Variants in EYS observed in about 807,000 individuals in gnomAD.
The protein encoded by EYS is protein eyes shut homolog.
In EYS, 250 loss-of-function variants were observed where a neutral mutation model predicts 282.1. The observed-to-expected ratio is 0.89, with a 90% CI of 0.80 to 0.98. The LOEUF (loss-of-function observed/expected upper bound fraction) is 0.98. EYS is among the 50% of genes least tolerant of loss of function. The probability of loss-of-function intolerance (pLI) is 0.00; values close to 1 mark genes in which losing one functional copy is unlikely to be tolerated. For synonymous variants in EYS, 1,355 were observed against 1,282.9 expected, an observed-to-expected ratio of 1.06 and a Z score of -1.20; for missense variants, 4,016 against 3,709.0, an observed-to-expected ratio of 1.08 and a Z score of -2.15.
intron 31 of EYS, among the ~76,000 whole-genome samples, chr6:64,126,977 A>G (rs1379743577): frequency 2.0e-5 from 3 of 152,146 alleles, no homozygotes; most frequent in Non-Finnish European, 4.4e-5. Context: ...GTTATGGGTT[A>G]GAGATGACTG....
chr6:64,500,262 C>T (rs1429760020), intron 26 of EYS, among the ~76,000 whole-genome samples: 3 of 151,902 alleles, frequency 2.0e-5, no homozygotes, highest in Admixed American at 6.6e-5. Context: ...AATAGACATC[C>T]ATTCTCTTGT....
intron 2 of EYS, among the ~76,000 whole-genome samples, chr6:65,598,248 CA>C (rs1423302544): frequency 0.023 from 1,594 of 67,902 alleles, 96 homozygotes; most frequent in South Asian, 0.042. Context: ...ACCCCCCCCC[CA>C]AAAAAAAAAA....
chr6:64,348,948 C>T (rs1252679766), intron 29 of EYS, among the ~76,000 whole-genome samples: 1 of 151,356 alleles, frequency 6.6e-6, no homozygotes, highest in Non-Finnish European at 1.5e-5. Flanking sequence ...TGTAGTTTTA[C>T]CCAGTGCTTT....
chr6:64,471,354 G>T (rs1776116949), intron 26 of EYS, among the ~76,000 whole-genome samples: 1 of 151,996 alleles, frequency 6.6e-6, no homozygotes, highest in African/African-American at 2.4e-5. Flanking sequence ...CTAAAGACTA[G>T]GCCAAAAGAC....
intron 19 of EYS, among the ~76,000 whole-genome samples, chr6:64,863,608 C>G (rs539717254): frequency 2.0e-5 from 3 of 152,206 alleles, no homozygotes; most frequent in Admixed American, 2.0e-4. Context: ...CTTATCAAGC[C>G]TCCTTTGGGT....
intron 12 of EYS, among the ~76,000 whole-genome samples, chr6:65,230,480 TTAATACC>T: frequency 6.6e-6 from 1 of 151,926 alleles, no homozygotes; most frequent in Non-Finnish European, 1.5e-5. Flanking sequence ...GCCATACATT[TTAATACC>T]TCTTTTTAAC....
At chr6:65,682,104 C>T (rs1453176507) in intron 1 of EYS, among the ~76,000 whole-genome samples, 1 of 151,974 alleles carries the variant, frequency 6.6e-6, no homozygotes, top group African/African-American at 2.4e-5. Context: ...GTCTTAACCA[C>T]AATTGCAATA....
At chr6:64,662,135 A>G (rs1769051766) in intron 22 of EYS, among the ~76,000 whole-genome samples, 1 of 151,092 alleles carries the variant, frequency 6.6e-6, no homozygotes, top group South Asian at 2.1e-4. Flanking sequence ...TCACAAGGAC[A>G]AAAAACCAAA....
Position 65,494,968 on chromosome 6 carries a change from A to G in EYS, c.443T>C (p.Phe148Ser), listed in dbSNP as rs1486613667. The change falls in exon 4 of 43, where the codon TTT becomes TCT. Residue 148 changes from phenylalanine (F) to serine (S), a missense_variant. Phe to Ser is a radical substitution (Grantham distance 155). Coordinates refer to ENST00000503581, the MANE Select transcript of EYS (RefSeq NM_001142800.2). ...TGGACCACTTGCCATAACTGTGATA[A>G]AATAATGTGTCCCAACACTCAGCCA... ...SKWLSVGTHY[F>S]ITVMASGPSP... is the part of the protein sequence containing the mutation. 6.2e-7 allele frequency: 1 copy of G among 1,614,038 alleles called. No individual in the cohort carries two copies. Among genetic ancestry groups the G allele is most frequent in the Non-Finnish European group, 8.5e-7 (1 of 1,180,028 alleles).
At chr6:64,613,132 A>G (rs1249417454) in intron 24 of EYS, among the ~76,000 whole-genome samples, 2 of 152,126 alleles carry the variant, frequency 1.3e-5, no homozygotes, top group Non-Finnish European at 2.9e-5. Flanking sequence ...TAGTTAGAGT[A>G]CACATGCAAG....
At chr6:64,389,049 A>G in intron 28 of EYS, among the ~76,000 whole-genome samples, 1 of 152,230 alleles carries the variant, frequency 6.6e-6, no homozygotes, top group South Asian at 2.1e-4. Context: ...AAAACAACAA[A>G]TTATAGCAAT....
chr6:64,643,793 C>A (rs1346999905), intron 22 of EYS, among the ~76,000 whole-genome samples: 9 of 152,206 alleles, frequency 5.9e-5, no homozygotes, highest in Non-Finnish European at 5.9e-5. Flanking sequence ...TGCTGCCATC[C>A]ACGTAAGACG....
At chr6:63,873,394 G>T (rs1282448012) in intron 35 of EYS, among the ~76,000 whole-genome samples, 1 of 152,102 alleles carries the variant, frequency 6.6e-6, no homozygotes, top group Non-Finnish European at 1.5e-5. Context: ...TCTTAATCCA[G>T]TCTATCATTG....
chr6:64,289,639 A>G (rs1313597440), intron 30 of EYS, among the ~76,000 whole-genome samples: 2 of 152,070 alleles, frequency 1.3e-5, no homozygotes, highest in Non-Finnish European at 2.9e-5. Flanking sequence ...AACTACACAA[A>G]TATATGCTTT....
intron 2 of EYS, among the ~76,000 whole-genome samples, chr6:65,552,186 C>G (rs1027983118): frequency 6.6e-6 from 1 of 152,208 alleles, no homozygotes. Flanking sequence ...AGATTCCAGA[C>G]TTACCTCTTA....
In EYS at chr6:64,939,538, C is replaced by T. The variant is rs188989019; in HGVS notation, c.2381+6255G>A. On this transcript the variant is annotated intron_variant, in intron 15 of 42. Transcript: ENST00000503581. ...ATTTTTATGACGTCTATATCAAATG[C>T]GATACTTTTATTTAAATAAAATTAA... Among the ~76,000 whole-genome samples, 306 of 151,846 alleles carry T rather than the reference C, an allele frequency of 2.0e-3. 2 individuals are homozygous for T. Among genetic ancestry groups the T allele is most frequent in the Non-Finnish European group, 3.4e-3 (231 of 67,886 alleles).
intron 31 of EYS, among the ~76,000 whole-genome samples, chr6:64,176,547 C>T (rs1290153570): frequency 1.3e-5 from 2 of 150,992 alleles, no homozygotes; most frequent in African/African-American, 2.4e-5. Flanking sequence ...ACCAAATACG[C>T]GTGAAGTTTC....
At chr6:63,885,962 TGACA>T (rs762405969) in intron 35 of EYS, among the ~76,000 whole-genome samples, 1 of 152,214 alleles carries the variant, frequency 6.6e-6, no homozygotes, top group Non-Finnish European at 1.5e-5. Flanking sequence ...AACGACTGAC[TGACA>T]GTCTTTCAAC....
intron 12 of EYS, among the ~76,000 whole-genome samples, chr6:65,286,749 A>G (rs1318914527): frequency 1.3e-5 from 2 of 151,710 alleles, no homozygotes; most frequent in Non-Finnish European, 3.0e-5. Flanking sequence ...GTAAATTCAC[A>G]TTAAAATTAA....
Sources: allele counts gnomAD v4.1 joint callset (sites outside exome capture counted in the v4.1 genomes callset), GRCh38; gene constraint gnomAD v4.1.1; transcripts MANE v1.5; gene names NCBI Gene and HGNC (gene_info 2026-07-23, HGNC 2026-07-21).